Variants in P3H2 observed in about 807,000 individuals in gnomAD.
P3H2 encodes leprecan-like 1.
A neutral mutation model predicts 87.0 loss-of-function variants in P3H2; 80 were observed. The observed-to-expected ratio is 0.92, with a 90% CI of 0.77 to 1.11. The LOEUF is 1.11. P3H2 is among the 50% of genes least tolerant of loss of function. The pLI, the probability that P3H2 is intolerant of heterozygous loss-of-function variation, is 0.00. For missense variants in P3H2, 1,001 were observed against 923.9 expected, an observed-to-expected ratio of 1.08 and a Z score of -1.08; for synonymous variants, 367 against 359.3, an observed-to-expected ratio of 1.02 and a Z score of -0.24.
intron 1 of P3H2, among the ~76,000 whole-genome samples, chr3:190,087,475 C>T (rs192152490): frequency 3.3e-4 from 45 of 134,694 alleles, no homozygotes; most frequent in Admixed American, 6.7e-4. Context: ...ACCTGGGAGG[C>T]GGAGCTTGCA....
chr3:190,102,563 A>C (rs1352016646), intron 1 of P3H2, among the ~76,000 whole-genome samples: 5 of 152,256 alleles, frequency 3.3e-5, no homozygotes, highest in African/African-American at 1.2e-4. Flanking sequence ...AAATCTTATA[A>C]TAAAACTCGA....
chr3:190,021,561 T>C (rs1302083099), intron 1 of P3H2, among the ~76,000 whole-genome samples: 1 of 134,962 alleles, frequency 7.4e-6, no homozygotes, highest in Non-Finnish European at 1.7e-5. Flanking sequence ...CCCTAAATTA[T>C]GTAAACTTTT....
At chr3:190,063,990 CTT>C (rs770967128) in intron 1 of P3H2, among the ~76,000 whole-genome samples, 16,300 of 123,394 alleles carry the variant, frequency 0.13, 751 homozygotes, top group African/African-American at 0.26. Context: ...TTAGAATAAA[CTT>C]TTTTTTTTTT....
At chr3:190,105,082 C>A (rs1711777604) in intron 1 of P3H2, among the ~76,000 whole-genome samples, 1 of 152,156 alleles carries the variant, frequency 6.6e-6, no homozygotes, top group East Asian at 1.9e-4. Flanking sequence ...TTCACAAAAT[C>A]ATGGAGTCTT....
intron 1 of P3H2, among the ~76,000 whole-genome samples, chr3:190,086,868 C>T (rs536583449): frequency 6.6e-6 from 1 of 152,294 alleles, no homozygotes; most frequent in Admixed American, 6.5e-5. Context: ...AAAGATTGCA[C>T]CATTTAAACA....
intron 1 of P3H2, among the ~76,000 whole-genome samples, chr3:190,017,892 A>C (rs373443931): frequency 8.5e-5 from 13 of 152,354 alleles, no homozygotes; most frequent in African/African-American, 2.2e-4. Flanking sequence ...GGCAAAGAGA[A>C]CTTGCTAATG....
At chr3:190,066,143 G>GTATATATATATATA (rs60898721) in intron 1 of P3H2, among the ~76,000 whole-genome samples, 1 of 138,804 alleles carries the variant, frequency 7.2e-6, no homozygotes. Context: ...ACTGTGGTGT[G>GTATATATATATATA]TATATATATA....
chr3:190,107,334 G>C (rs1032214386), intron 1 of P3H2, among the ~76,000 whole-genome samples: 2 of 152,190 alleles, frequency 1.3e-5, no homozygotes, highest in East Asian at 1.9e-4. Context: ...TCTTTGACCT[G>C]TGTTTCAGCT....
rs1285143964 is a variant in P3H2 at position 190,120,682 on chromosome 3, A to G, written c.50T>C (p.Leu17Pro). Residue 17 changes from leucine (L) to proline (P), a missense_variant, in exon 1 of 15, where the codon CTA (leucine) becomes CCA (proline). Transcript: ENST00000319332. Reference sequence around the variant, plus strand: ...GCCGCCCCACAGTGGCGGCGGCAGTAGCAGCGGCAGCAGCAGCAGCAGCGG... The same window carrying G: ...GCCGCCCCACAGTGGCGGCGGCAGTGGCAGCGGCAGCAGCAGCAGCAGCGG... ...APPLLLLLPL[L>P]LPPPLWGGPP... 11 of 1,521,730 alleles carry G rather than the reference A, an allele frequency of 7.2e-6. No homozygotes were observed. Among genetic ancestry groups the G allele is most frequent in the African/African-American group, 4.2e-5 (3 of 71,070 alleles). The allele number at this position is 1,521,730 out of a possible 1,614,324, so 94.3% of individuals were successfully genotyped here.
At chr3:190,015,373 A>G (rs1724719364) in intron 1 of P3H2, among the ~76,000 whole-genome samples, 1 of 152,210 alleles carries the variant, frequency 6.6e-6, no homozygotes, top group Admixed American at 6.5e-5. Flanking sequence ...AATCCACTTT[A>G]GAAACTAAAT....
In P3H2 at chr3:190,031,518, T is replaced by A. The variant is rs111262340; in HGVS notation, c.481-36076A>T. On this transcript the variant is annotated intron_variant, in intron 1 of 14. Coordinates refer to ENST00000319332, the MANE Select transcript of P3H2 (RefSeq NM_018192.4). ...CAGGCATGGTGGCAGGCACCTGGAA[T>A]CCCAGCTACTTGGGAGGCTGAGGCA... Among the ~76,000 whole-genome samples the A allele has an allele frequency of 2.7e-3, 404 of 151,962 alleles. 2 individuals are homozygous for A. The highest frequency in any genetic ancestry group is 9.2e-3 in the African/African-American group (382 of 41,418).
chr3:189,987,540 A>G lies in P3H2; in HGVS notation c.1085T>C (p.Ile362Thr), dbSNP rs146105790. 17 of 1,613,952 alleles carry G rather than the reference A, an allele frequency of 1.1e-5. No homozygotes were observed. The highest frequency in any genetic ancestry group is 2.2e-5 in the East Asian group (1 of 44,892). The change falls in exon 5 of 15, where the codon ATT becomes ACT. Residue 362 changes from isoleucine (I) to threonine (T), a missense_variant. By Grantham distance (89) the Ile-to-Thr change is moderately conservative. Transcript: ENST00000319332. The stretch of plus-strand genomic sequence containing the variant: ...CATTGGTCTCACCTCTCTGGCCTCA[A>G]TGGATGCCGGGTCAATGCTATCATC... Reference protein sequence around the residue: ...LLDDSIDPASIEAREDLTMFV... With the variant: ...LLDDSIDPASTEAREDLTMFV...
intron 1 of P3H2, among the ~76,000 whole-genome samples, chr3:189,996,521 G>T (rs938430850): frequency 6.6e-6 from 1 of 152,106 alleles, no homozygotes; most frequent in Non-Finnish European, 1.5e-5. Flanking sequence ...TAAAGAAGAA[G>T]AATAATTTCT....
In P3H2 at chr3:190,120,290, T is replaced by C. The variant is rs754669189; in HGVS notation, c.442A>G (p.Arg148Gly). 7.5e-6 allele frequency: 12 copies of C among 1,610,528 alleles called. No individual in the cohort carries two copies. The highest frequency in any genetic ancestry group is 3.3e-5 in the Admixed American group (2 of 59,728). Residue 148 changes from arginine (R) to glycine (G), a missense_variant, in exon 1 of 15, where the codon AGA (arginine) becomes GGA (glycine). Coordinates refer to ENST00000319332, the MANE Select transcript of P3H2 (RefSeq NM_018192.4). ...SEDVRSDFQRRVPYNYLQRAY... is the reference protein window; with the variant it reads ...SEDVRSDFQRGVPYNYLQRAY... Reference sequence around the variant, plus strand: ...CGCTGCAGGTAGTTGTAGGGCACTCTGCGCTGGAAGTCGCTGCGCACATCC... The same window carrying C: ...CGCTGCAGGTAGTTGTAGGGCACTCCGCGCTGGAAGTCGCTGCGCACATCC...
chr3:189,971,740 T>C, intron 12 of P3H2, 150 bp downstream of exon 12: 1 of 666,116 alleles, frequency 1.5e-6, no homozygotes, highest in Non-Finnish European at 2.8e-6. Context: ...TGCCACTTAT[T>C]GGTTATGGCA....
chr3:190,087,352 G>C (rs567507615), intron 1 of P3H2, among the ~76,000 whole-genome samples: 32 of 151,630 alleles, frequency 2.1e-4, no homozygotes, highest in South Asian at 1.0e-3. Flanking sequence ...CTGGCTAACA[G>C]AGTGAAACCC....
chr3:190,070,945 TA>T (rs1726678767), intron 1 of P3H2, among the ~76,000 whole-genome samples: 1 of 152,234 alleles, frequency 6.6e-6, no homozygotes, highest in South Asian at 2.1e-4. Context: ...TTAAATGACT[TA>T]AAGCAGAATA....
At chr3:190,005,304 C>T (rs1233222987) in intron 1 of P3H2, among the ~76,000 whole-genome samples, 1 of 152,142 alleles carries the variant, frequency 6.6e-6, no homozygotes, top group Non-Finnish European at 1.5e-5. Context: ...TTTAGTGTTT[C>T]TCCTGTAAGT....
intron 8 of P3H2, among the ~76,000 whole-genome samples, chr3:189,977,810 G>T (rs1044897835): frequency 1.3e-5 from 2 of 151,330 alleles, no homozygotes; most frequent in African/African-American, 2.4e-5. Context: ...TATTTTCAGG[G>T]TCTTGCCCAG....
Sources: allele counts gnomAD v4.1 joint callset (sites outside exome capture counted in the v4.1 genomes callset), GRCh38; gene constraint gnomAD v4.1.1; transcripts MANE v1.5; gene names NCBI Gene and HGNC (gene_info 2026-07-23, HGNC 2026-07-21).